MSL2: variants seen among roughly 807,000 people sequenced by gnomAD.
MSL2 encodes the protein MSL complex subunit 2, also known as E3 ubiquitin-protein ligase MSL2.
A neutral mutation model predicts 35.8 loss-of-function variants in MSL2; 2 were observed. The observed-to-expected ratio is 0.06, with a 90% confidence interval of 0.02 to 0.18. The LOEUF is 0.18. MSL2 is among the 10% of genes least tolerant of loss of function. MSL2 has a pLI of 1.00. For missense variants in MSL2, 523 were observed against 706.7 expected (o/e 0.74, Z 2.95); for synonymous variants, 296 against 255.7 (o/e 1.16, Z -1.50).
rs1202220738 is a variant in MSL2, at chr3:136,149,660, T to C, written c.*1487A>G. ...TCTACCTGACCACATTCACAGAAAA[T>C]GACACCAGGATACACTACAAAACAG... On this transcript the variant is annotated 3_prime_UTR_variant, in exon 2 of 2. Coordinates refer to ENST00000309993, the MANE Select transcript of MSL2 (RefSeq NM_018133.4). The C allele has an allele frequency of 3.2e-5, 4 of 125,096 alleles. No individual in the cohort carries two copies. The highest frequency in any genetic ancestry group is 1.2e-4 in the African/African-American group (4 of 32,558). The allele number at this position is 125,096 out of a possible 1,614,324, so 7.7% of individuals were successfully genotyped here.
At chr3:136,188,632 T>C (rs1040913030) in intron 1 of MSL2, among the ~76,000 whole-genome samples, 15 of 149,914 alleles carry the variant, frequency 1.0e-4, no homozygotes, top group Non-Finnish European at 4.4e-5. Context: ...ATGCCTGTAG[T>C]GTCAGCTACT....
rs1005406929 is a variant in MSL2 at position 136,150,815 on chromosome 3, A to T, written c.*332T>A. 3.1e-5 allele frequency: 7 copies of T among 228,850 alleles called. No homozygotes were observed. The highest frequency in any genetic ancestry group is 5.3e-5 in the Non-Finnish European group (6 of 113,764). 14.2% of individuals were successfully genotyped at this position (228,850 alleles called of 1,614,324 possible). On this transcript the variant is annotated 3_prime_UTR_variant, in exon 2 of 2. Transcript: ENST00000309993. ...ACTAGATACCACTTCCTTACATTTA[A>T]TCATAAACTTTGATTATGCACAAAG... is the stretch of plus-strand genomic sequence containing the variant.
In MSL2 at chr3:136,153,106, G is replaced by C; in HGVS notation, c.143-368C>G. The C allele has an allele frequency of 3.1e-6, 3 of 958,884 alleles. No homozygotes were observed. In the South Asian group the frequency reaches 1.4e-4, roughly 46 times the overall value. The allele number at this position is 958,884 out of a possible 1,614,324, so 59.4% of individuals were successfully genotyped here. A position where few individuals can be genotyped will look rare whatever the true frequency, so the allele number is the denominator to read the frequency against. On this transcript the variant is annotated intron_variant, in intron 1 of 1. Transcript: ENST00000309993. ...AACCCTTTGGATAGCCAGGTGTGGT[G>C]GTGTGTGCCTGTAATCCCAGCTATT... is the stretch of plus-strand genomic sequence containing the variant.
chr3:136,194,642 C>A lies in MSL2; in HGVS notation c.142+330G>T, dbSNP rs562358969. 6 of 281,624 alleles carry A rather than the reference C, an allele frequency of 2.1e-5. No individual in the cohort carries two copies. In the South Asian group the frequency reaches 2.6e-4, roughly 12 times the overall value. 17.4% of individuals were successfully genotyped at this position (281,624 alleles called of 1,614,324 possible). ...TTAACCGCCGTAGGTACGTAATCAG[C>A]TCCCGCGGCAAAGGTTTAAGAAAAA... is the stretch of plus-strand genomic sequence containing the variant. On this transcript the variant is annotated intron_variant, in intron 1 of 1. Coordinates refer to ENST00000309993, the MANE Select transcript of MSL2 (RefSeq NM_018133.4).
intron 1 of MSL2, among the ~76,000 whole-genome samples, chr3:136,157,943 G>A (rs769467519): frequency 1.3e-5 from 2 of 152,160 alleles, no homozygotes; most frequent in African/African-American, 2.4e-5. Flanking sequence ...AAACATAGAG[G>A]AGGAGAAAAC....
rs1022080819 is a variant in MSL2, at chr3:136,195,970, C to G, written c.-857G>C. 1.0e-5 allele frequency: 3 copies of G among 298,948 alleles called. No individual in the cohort carries two copies. Among genetic ancestry groups the G allele is most frequent in the Non-Finnish European group, 1.5e-5 (3 of 203,380 alleles). The allele number at this position is 298,948 out of a possible 1,614,324, so 18.5% of individuals were successfully genotyped here. On this transcript the variant is annotated 5_prime_UTR_variant, in exon 1 of 2. Transcript: ENST00000309993. Reference sequence around the variant, plus strand: ...ACTCAAGCGCCGCCCCCTCACTGCCCGGCCATTTTTTCGGCGCCACACACA... The same window carrying G: ...ACTCAAGCGCCGCCCCCTCACTGCCGGGCCATTTTTTCGGCGCCACACACA...
chr3:136,189,135 A>AACC (rs1940610574), intron 1 of MSL2, among the ~76,000 whole-genome samples: 1 of 121,650 alleles, frequency 8.2e-6, no homozygotes, highest in African/African-American at 4.0e-5. Context: ...AAAAAAAAAA[A>AACC]ACACACACAC....
At position 136,178,447 on chromosome 3, in the gene MSL2, C is replaced by T. The variant is rs559125616; in HGVS notation, c.142+16525G>A. On this transcript the variant is annotated intron_variant, in intron 1 of 1. Transcript: ENST00000309993. ...TGCTTTATTACCCTCTTAAGAGAGT[C>T]ATCCCAAAATACATTAGCATCTTAA... Among the ~76,000 whole-genome samples the T allele has an allele frequency of 2.1e-3, 317 of 152,032 alleles. 3 individuals are homozygous for T. The highest frequency in any genetic ancestry group is 6.9e-3 in the African/African-American group (288 of 41,470).
At chr3:136,178,979 C>CTTTTT (rs763670751) in intron 1 of MSL2, among the ~76,000 whole-genome samples, 2 of 101,804 alleles carry the variant, frequency 2.0e-5, no homozygotes, top group African/African-American at 6.8e-5. Flanking sequence ...TGTTGGTTTT[C>CTTTTT]TTTTTTTTTT....
chr3:136,175,275 C>T (rs1276118844), intron 1 of MSL2, among the ~76,000 whole-genome samples: 4 of 150,436 alleles, frequency 2.7e-5, no homozygotes, highest in South Asian at 2.1e-4. Context: ...ACCCAGGAGG[C>T]GGAGGTTGCA....
intron 1 of MSL2, among the ~76,000 whole-genome samples, chr3:136,180,768 G>GGGAC (rs1940321856): frequency 2.6e-5 from 1 of 38,364 alleles, no homozygotes; most frequent in African/African-American, 1.2e-4. Context: ...GAAGGAGGGA[G>GGGAC]GGAGGGAGGG....
At chr3:136,187,601 T>C (rs1485957388) in intron 1 of MSL2, among the ~76,000 whole-genome samples, 1 of 149,280 alleles carries the variant, frequency 6.7e-6, no homozygotes, top group African/African-American at 2.5e-5. Context: ...AACCAGGAGA[T>C]GGACGTTGCA....
intron 1 of MSL2, among the ~76,000 whole-genome samples, chr3:136,186,385 A>C (rs1482391193): frequency 6.6e-6 from 1 of 152,170 alleles, no homozygotes; most frequent in Non-Finnish European, 1.5e-5. Flanking sequence ...CTATTCTTCT[A>C]ATCAGGGGTC....
At chr3:136,158,578 C>T (rs1393844669) in intron 1 of MSL2, among the ~76,000 whole-genome samples, 4 of 152,058 alleles carry the variant, frequency 2.6e-5, no homozygotes, top group Non-Finnish European at 5.9e-5. Context: ...GCTGTTGCCA[C>T]TTCTTTTCAA....
chr3:136,166,006 T>TA (rs1369027481), intron 1 of MSL2, among the ~76,000 whole-genome samples: 1 of 127,690 alleles, frequency 7.8e-6, no homozygotes, highest in Non-Finnish European at 1.6e-5. Flanking sequence ...CACAAATACA[T>TA]ACACCTACTA....
At chr3:136,191,451 GA>G (rs1940687630) in intron 1 of MSL2, among the ~76,000 whole-genome samples, 2 of 111,958 alleles carry the variant, frequency 1.8e-5, no homozygotes, top group South Asian at 5.7e-4. Flanking sequence ...CTGGGTGAAA[GA>G]ACAAGAATCC....
intron 1 of MSL2, among the ~76,000 whole-genome samples, chr3:136,186,401 G>C (rs1355050527): frequency 6.6e-6 from 1 of 152,170 alleles, no homozygotes; most frequent in Admixed American, 6.6e-5. Flanking sequence ...GGGTCCCTAA[G>C]CCTCCAGGTT....
intron 1 of MSL2, among the ~76,000 whole-genome samples, chr3:136,162,231 T>C (rs1180173834): frequency 2.0e-5 from 3 of 148,794 alleles, no homozygotes; most frequent in South Asian, 4.5e-4. Flanking sequence ...CCACAACACC[T>C]GGCCCTATAT....
intron 1 of MSL2, among the ~76,000 whole-genome samples, chr3:136,173,686 T>C (rs1361821040): frequency 6.6e-6 from 1 of 152,220 alleles, no homozygotes; most frequent in Non-Finnish European, 1.5e-5. Flanking sequence ...AATCAATTCA[T>C]CTTCCACACT....
Sources: allele counts gnomAD v4.1 joint callset (sites outside exome capture counted in the v4.1 genomes callset), GRCh38; gene constraint gnomAD v4.1.1; transcripts MANE v1.5; gene names NCBI Gene and HGNC (gene_info 2026-07-23, HGNC 2026-07-21).